Variants in AKT3 observed in about 807,000 individuals in gnomAD.
AKT3 encodes AKT serine/threonine kinase 3.
A neutral mutation model predicts 65.3 loss-of-function variants in AKT3; 15 were observed. That is an observed-to-expected ratio of 0.23 (90% CI 0.15 to 0.35). AKT3 has a LOEUF of 0.35. AKT3 is among the 10% of genes least tolerant of loss of function. The pLI is 1.00. For missense variants in AKT3, 243 were observed against 576.5 expected, an observed-to-expected ratio of 0.42 and a Z score of 5.92; for synonymous variants, 206 against 183.8, an observed-to-expected ratio of 1.12 and a Z score of -0.98.
At chr1:243,728,483 T>G (rs1178990080) in intron 2 of AKT3, among the ~76,000 whole-genome samples, 1 of 152,194 alleles carries the variant, frequency 6.6e-6, no homozygotes, top group Non-Finnish European at 1.5e-5. Context: ...AGGAATATAG[T>G]GCAAAGAGTA....
intron 8 of AKT3, chr1:243,612,956 T>G (rs1046480946): frequency 6.7e-6 from 1 of 150,150 alleles, no homozygotes; most frequent in Non-Finnish European, 1.5e-5. Context: ...GGAGAATCGC[T>G]TGAACCCGGG....
At chr1:243,614,366 G>C (rs1041575883) in intron 7 of AKT3, among the ~76,000 whole-genome samples, 3 of 152,034 alleles carry the variant, frequency 2.0e-5, no homozygotes, top group South Asian at 4.1e-4. Flanking sequence ...CAGTGTAAAG[G>C]GTTCCACTTT....
At chr1:243,520,660 C>T (rs74153909) in intron 12 of AKT3, among the ~76,000 whole-genome samples, 2 of 152,300 alleles carry the variant, frequency 1.3e-5, no homozygotes, top group South Asian at 4.1e-4. Context: ...GACAAATGCA[C>T]TAAACTTGAA....
Position 243,613,695 on chromosome 1 carries a change from C to T in AKT3, c.672G>A (p.Val224=). ...CCTCGCCCCCATTAACATATTCCAT[C>T]ACAAAACACAAACGGTCTTTTGTCT... The part of the protein sequence containing the change: ...SFQTKDRLCF[V]MEYVNGGELF... Residue 224 remains valine, a synonymous_variant, in exon 8 of 14, where the codon GTG becomes GTA. Transcript: ENST00000673466. 1 of 1,592,520 alleles carries T rather than the reference C, an allele frequency of 6.3e-7. No homozygotes were observed. Among genetic ancestry groups the T allele is most frequent in the Non-Finnish European group, 8.6e-7 (1 of 1,168,394 alleles).
At chr1:243,545,831 TG>T (rs1672629328) in intron 11 of AKT3, among the ~76,000 whole-genome samples, 1 of 152,232 alleles carries the variant, frequency 6.6e-6, no homozygotes, top group Admixed American at 6.5e-5. Context: ...GAGATAGATC[TG>T]GAAGAGGCAA....
chr1:243,788,069 G>C (rs1691375181), intron 2 of AKT3, among the ~76,000 whole-genome samples: 1 of 150,824 alleles, frequency 6.6e-6, no homozygotes, highest in Admixed American at 6.6e-5. Context: ...TTTCAATTTT[G>C]ATTAATCCAG....
intron 13 of AKT3, among the ~76,000 whole-genome samples, chr1:243,507,384 T>A (rs1294619282): frequency 1.3e-5 from 2 of 152,310 alleles, no homozygotes; most frequent in South Asian, 4.1e-4. Flanking sequence ...TTCACAGATA[T>A]CCCTGAGGGC....
chr1:243,567,875 T>G (rs964819975), intron 9 of AKT3, among the ~76,000 whole-genome samples: 1 of 152,224 alleles, frequency 6.6e-6, no homozygotes, highest in Non-Finnish European at 1.5e-5. Context: ...ACAGAGTTTC[T>G]GTAAAATACA....
chr1:243,525,452 A>C (rs1670982382), intron 12 of AKT3, among the ~76,000 whole-genome samples: 1 of 152,052 alleles, frequency 6.6e-6, no homozygotes, highest in Admixed American at 6.5e-5. Context: ...TGAAATTAGT[A>C]GACAAAGACT....
chr1:243,668,655 T>C lies in AKT3; in HGVS notation c.173-3772A>G, dbSNP rs78808734. On this transcript the variant is annotated intron_variant, in intron 3 of 13. Transcript: ENST00000673466. Reference sequence around the variant, plus strand: ...TAATAACAGAGATCATGGTTGTGTATTTTCTCCCAGATATACCCAGATATA... The same window carrying C: ...TAATAACAGAGATCATGGTTGTGTACTTTCTCCCAGATATACCCAGATATA... Among the ~76,000 whole-genome samples, 246 of 152,296 alleles carry C rather than the reference T, an allele frequency of 1.6e-3. 3 individuals are homozygous for C. The East Asian group carries it at 0.041, about 26-fold the overall frequency.
At chr1:243,719,129 T>C (rs1474599925) in intron 2 of AKT3, among the ~76,000 whole-genome samples, 1 of 152,218 alleles carries the variant, frequency 6.6e-6, no homozygotes, top group Admixed American at 6.5e-5. Flanking sequence ...GTATCACATA[T>C]GTCAAGACAG....
chr1:243,750,367 CCTT>C lies in AKT3; in HGVS notation c.47-54654_47-54652del, dbSNP rs575321878. 3.7e-3 allele frequency among the ~76,000 whole-genome samples: 556 copies of C among 151,152 alleles called. 2 individuals are homozygous for C. Among genetic ancestry groups the C allele is most frequent in the Admixed American group, 6.2e-3 (93 of 15,074 alleles). On this transcript the variant is annotated intron_variant, in intron 2 of 13. Transcript: ENST00000673466. ...GTTAACTTGCAACTACTGTATGCCT[CCTT>C]CTCCCACCTTCTCTCCCCTCTCACA...
chr1:243,517,557 CCTT>C (rs925769083), intron 12 of AKT3, among the ~76,000 whole-genome samples: 8 of 152,196 alleles, frequency 5.3e-5, no homozygotes, highest in African/African-American at 9.7e-5. Flanking sequence ...AAATGTTCCT[CCTT>C]ATCTCCAGCA....
At chr1:243,615,326 C>CA (rs1558655397) in intron 6 of AKT3, among the ~76,000 whole-genome samples, 165 bp from the exon 7 acceptor site, 1 of 151,932 alleles carries the variant, frequency 6.6e-6, no homozygotes. Flanking sequence ...CACCAAAATA[C>CA]AAAAAAACTC....
intron 6 of AKT3, among the ~76,000 whole-genome samples, chr1:243,632,352 A>G (rs1018155049): frequency 6.6e-6 from 1 of 152,222 alleles, no homozygotes; most frequent in African/African-American, 2.4e-5. Context: ...GCTTTTGTAT[A>G]TCTGGTGCAT....
intron 3 of AKT3, among the ~76,000 whole-genome samples, chr1:243,667,681 G>A (rs1445402062): frequency 6.6e-6 from 1 of 152,100 alleles, no homozygotes. Flanking sequence ...TTAAAATGAA[G>A]ATCTGCAAAA....
intron 2 of AKT3, among the ~76,000 whole-genome samples, chr1:243,804,463 TAAATC>T (rs1167769395): frequency 6.6e-6 from 1 of 152,236 alleles, no homozygotes; most frequent in African/African-American, 2.4e-5. Flanking sequence ...GTAGAATAGT[TAAATC>T]TAGCTAACAA....
At chr1:243,520,040 C>A (rs1670612895) in intron 12 of AKT3, among the ~76,000 whole-genome samples, 1 of 152,182 alleles carries the variant, frequency 6.6e-6, no homozygotes, top group South Asian at 2.1e-4. Flanking sequence ...AACAGCTGAA[C>A]AAATTTCAAA....
At chr1:243,789,680 G>A (rs1015965727) in intron 2 of AKT3, among the ~76,000 whole-genome samples, 1 of 152,100 alleles carries the variant, frequency 6.6e-6, no homozygotes, top group Non-Finnish European at 1.5e-5. Context: ...AGTCCTTTCC[G>A]GAAAGTTTTT....
Sources: allele counts gnomAD v4.1 joint callset (sites outside exome capture counted in the v4.1 genomes callset), GRCh38; gene constraint gnomAD v4.1.1; transcripts MANE v1.5; gene names NCBI Gene and HGNC (gene_info 2026-07-23, HGNC 2026-07-21).